CDH20: variants seen among roughly 807,000 people sequenced by gnomAD.
CDH20 encodes cadherin 20, also known as cadherin-20.
CDH20 carries 29 observed loss-of-function variants against 74.2 expected under a neutral mutation model. The observed-to-expected ratio is 0.39, with a 90% CI of 0.29 to 0.53. The LOEUF is 0.53. Ranked by LOEUF, CDH20 falls within the 20% of genes least tolerant of loss-of-function variation. The probability of loss-of-function intolerance (pLI) is 0.69; values close to 1 mark genes in which losing one functional copy is unlikely to be tolerated. For synonymous variants in CDH20, 469 were observed against 405.4 expected (o/e 1.16, Z -1.88); for missense variants, 988 against 1,048.3 (o/e 0.94, Z 0.79).
intron 1 of CDH20, among the ~76,000 whole-genome samples, chr18:61,394,579 G>A (rs1358738418): frequency 6.6e-6 from 1 of 152,086 alleles, no homozygotes; most frequent in Admixed American, 6.5e-5. Flanking sequence ...AACCAACCCT[G>A]CAAACACCTT....
rs985300611 is a variant in CDH20, at chr18:61,397,069, C to T, written c.-153+63242C>T. ...CCAAGACCCAAATATAACGTGCTGCCAGTTACTCTAGTGGGAGAGGTAGGT... is the reference window on the plus strand; with the variant it reads ...CCAAGACCCAAATATAACGTGCTGCTAGTTACTCTAGTGGGAGAGGTAGGT... On this transcript the variant is annotated intron_variant, in intron 1 of 11. Coordinates refer to ENST00000262717, the MANE Select transcript of CDH20 (RefSeq NM_031891.4). Among the ~76,000 whole-genome samples the T allele has an allele frequency of 2.0e-5, 3 of 152,220 alleles. No homozygotes were observed. The South Asian group carries it at 6.2e-4, about 32-fold the overall frequency.
At chr18:61,495,784 C>T (rs1911118598) in intron 2 of CDH20, among the ~76,000 whole-genome samples, 1 of 152,148 alleles carries the variant, frequency 6.6e-6, no homozygotes, top group African/African-American at 2.4e-5. Context: ...TGCCTCGGGG[C>T]TTCCTTCTGG....
At chr18:61,519,169 G>A (rs965659451) in intron 6 of CDH20, among the ~76,000 whole-genome samples, 4 of 151,350 alleles carry the variant, frequency 2.6e-5, no homozygotes, top group Non-Finnish European at 4.4e-5. Flanking sequence ...AAGTGACGGG[G>A]AGAATGGAAC....
chr18:61,419,218 C>T (rs1246505670), intron 1 of CDH20, among the ~76,000 whole-genome samples: 1 of 152,028 alleles, frequency 6.6e-6, no homozygotes, highest in Non-Finnish European at 1.5e-5. Flanking sequence ...GTATGCACTC[C>T]CATGGCCTGG....
chr18:61,550,629 G>A (rs1313234634), intron 11 of CDH20, among the ~76,000 whole-genome samples: 1 of 152,330 alleles, frequency 6.6e-6, no homozygotes, highest in African/African-American at 2.4e-5. Context: ...TAGTAGCTAA[G>A]TCACAAACGG....
chr18:61,398,699 A>G (rs1912065102), intron 1 of CDH20, among the ~76,000 whole-genome samples: 1 of 152,176 alleles, frequency 6.6e-6, no homozygotes, highest in African/African-American at 2.4e-5. Context: ...ACTCCTGAGT[A>G]TATACTTTTC....
At chr18:61,483,622 A>G (rs1182016567) in intron 1 of CDH20, among the ~76,000 whole-genome samples, 3 of 152,200 alleles carry the variant, frequency 2.0e-5, no homozygotes, top group Admixed American at 2.0e-4. Context: ...TTCTATCACT[A>G]GTATTAATGG....
At position 61,499,456 on chromosome 18, in the gene CDH20, A is replaced by G; in HGVS notation, c.517A>G (p.Thr173Ala). 6.2e-7 allele frequency: 1 copy of G among 1,609,304 alleles called. No individual in the cohort carries two copies. Among genetic ancestry groups the G allele is most frequent in the South Asian group, 1.1e-5 (1 of 90,728 alleles). The change falls in exon 3 of 12, where the codon ACT becomes GCT. Residue 173 changes from threonine to alanine, a missense_variant. By Grantham distance (58) the Thr-to-Ala change is moderately conservative. Transcript: ENST00000262717. ...GTTCCTGGACGGACCTTATGTGGCC[A>G]CTGTGCCAGAAATGTCCCCTGTGGG... is the stretch of plus-strand genomic sequence containing the variant. ...PKFLDGPYVA[T>A]VPEMSPVGTS...
intron 1 of CDH20, among the ~76,000 whole-genome samples, chr18:61,447,919 C>A (rs750015481): frequency 2.0e-5 from 3 of 152,162 alleles, no homozygotes; most frequent in Non-Finnish European, 4.4e-5. Context: ...CCTGGGCAGC[C>A]GATTTCTACC....
chr18:61,368,448 C>T (rs564147731), intron 1 of CDH20, among the ~76,000 whole-genome samples: 1 of 150,120 alleles, frequency 6.7e-6, no homozygotes, highest in African/African-American at 2.5e-5. Flanking sequence ...GGGTGGGGGG[C>T]AACAACTACT....
At chr18:61,465,738 G>A (rs907445275) in intron 1 of CDH20, among the ~76,000 whole-genome samples, 3 of 151,642 alleles carry the variant, frequency 2.0e-5, no homozygotes, top group African/African-American at 7.3e-5. Flanking sequence ...AAAACACAGG[G>A]AAAGGAATAT....
intron 1 of CDH20, among the ~76,000 whole-genome samples, chr18:61,366,230 A>G (rs1273418036): frequency 6.6e-6 from 1 of 152,172 alleles, no homozygotes; most frequent in Non-Finnish European, 1.5e-5. Context: ...ATAAACTCAC[A>G]TTCTGCCGCT....
At chr18:61,479,517 GTTTA>G (rs1568157028) in intron 1 of CDH20, among the ~76,000 whole-genome samples, 1 of 152,088 alleles carries the variant, frequency 6.6e-6, no homozygotes, top group Non-Finnish European at 1.5e-5. Context: ...AATAGCCAAT[GTTTA>G]TTTATTATGG....
chr18:61,486,229 G>C (rs1910759030), intron 1 of CDH20, among the ~76,000 whole-genome samples: 2 of 152,152 alleles, frequency 1.3e-5, no homozygotes, highest in Admixed American at 1.3e-4. Context: ...TATCCACCCT[G>C]TCCAAGACAG....
intron 1 of CDH20, among the ~76,000 whole-genome samples, chr18:61,402,658 G>A (rs1481416319): frequency 1.3e-5 from 2 of 152,136 alleles, no homozygotes; most frequent in Non-Finnish European, 2.9e-5. Flanking sequence ...AACCTGAGAA[G>A]AGTACCATTA....
At chr18:61,403,845 T>G (rs1335587855) in intron 1 of CDH20, among the ~76,000 whole-genome samples, 1 of 152,132 alleles carries the variant, frequency 6.6e-6, no homozygotes, top group Non-Finnish European at 1.5e-5. Flanking sequence ...CATAGCACAT[T>G]AATGACAGAC....
At chr18:61,432,728 G>A (rs947128996) in intron 1 of CDH20, among the ~76,000 whole-genome samples, 1 of 152,138 alleles carries the variant, frequency 6.6e-6, no homozygotes, top group African/African-American at 2.4e-5. Flanking sequence ...ATCTGAGGAA[G>A]ACAGCCCTCC....
intron 8 of CDH20, among the ~76,000 whole-genome samples, chr18:61,538,612 T>TG (rs1568182151): frequency 1.4e-4 from 6 of 44,330 alleles, no homozygotes; most frequent in Non-Finnish European, 2.7e-4. Flanking sequence ...GTTTTTGTTT[T>TG]TGTTTTTGTT....
At chr18:61,339,844 T>C (rs751632848) in intron 1 of CDH20, among the ~76,000 whole-genome samples, 38 of 152,016 alleles carry the variant, frequency 2.5e-4, no homozygotes, top group Middle Eastern at 3.4e-3. Context: ...CCCGCCACCA[T>C]GCCCAGCTAA....
Sources: gnomAD v4.1 joint callset for allele counts (sites outside exome capture counted in the v4.1 genomes callset) on GRCh38, gnomAD v4.1.1 for gene constraint, MANE v1.5 for transcripts, NCBI Gene and HGNC (gene_info 2026-07-23, HGNC 2026-07-21) for gene names.